Variants in FRMPD4 observed in about 807,000 individuals in gnomAD.
FRMPD4 encodes the protein FERM and PDZ domain containing 4, also known as FERM and PDZ domain-containing protein 4.
A neutral mutation model predicts 94.1 loss-of-function variants in FRMPD4; 22 were observed. That is an observed-to-expected ratio of 0.23 (90% CI 0.17 to 0.33). The LOEUF (loss-of-function observed/expected upper bound fraction) is 0.33, where lower values mean the gene tolerates loss of function less well. FRMPD4 is among the 10% of genes least tolerant of loss of function. The pLI is 1.00. For synonymous variants in FRMPD4, 631 were observed against 548.6 expected, an observed-to-expected ratio of 1.15 and a Z score of -2.10; for missense variants, 1,111 against 1,339.9, an observed-to-expected ratio of 0.83 and a Z score of 2.67.
At chrX:12,040,534 T>A (rs747758101) in intron 3 of FRMPD4, among the ~76,000 whole-genome samples, 87 of 106,368 alleles carry the variant, frequency 8.2e-4, no homozygotes, top group African/African-American at 2.8e-3. Flanking sequence ...ATTATTGATA[T>A]AGTTGGATTT....
At chrX:12,248,988 G>A (rs1432794031) in intron 1 of FRMPD4, among the ~76,000 whole-genome samples, 2 of 112,817 alleles carry the variant, frequency 1.8e-5, no homozygotes, top group Non-Finnish European at 3.7e-5. Flanking sequence ...GCAGTGAACC[G>A]AGATTGTGCC....
At chrX:12,454,340 G>A (rs937525799) in intron 1 of FRMPD4, among the ~76,000 whole-genome samples, 1 of 111,658 alleles carries the variant, frequency 9.0e-6, no homozygotes, top group Non-Finnish European at 1.9e-5. Flanking sequence ...GAAAACACTT[G>A]TATGACAAAT....
chrX:12,454,384 T>G (rs999627316), intron 1 of FRMPD4, among the ~76,000 whole-genome samples: 1 of 112,116 alleles, frequency 8.9e-6, no homozygotes, highest in Non-Finnish European at 1.9e-5. Flanking sequence ...CATTCCTTGC[T>G]CTATAATCTC....
At chrX:12,140,981 ATTC>A (rs1432183405) in intron 1 of FRMPD4, among the ~76,000 whole-genome samples, 1 of 112,015 alleles carries the variant, frequency 8.9e-6, no homozygotes, top group Non-Finnish European at 1.9e-5. Flanking sequence ...CATCCATAGA[ATTC>A]TTCTTTTTCT....
chrX:12,044,188 T>A (rs2054773229), intron 3 of FRMPD4, among the ~76,000 whole-genome samples: 1 of 112,264 alleles, frequency 8.9e-6, no homozygotes, highest in African/African-American at 3.2e-5. Context: ...TTTATGATCT[T>A]ATCACAAAAC....
intron 1 of FRMPD4, among the ~76,000 whole-genome samples, chrX:12,245,046 A>C (rs1390708415): frequency 1.8e-5 from 2 of 112,757 alleles, no homozygotes; most frequent in Non-Finnish European, 3.7e-5. Flanking sequence ...GGTAGAACAC[A>C]TGTTTGATTT....
At chrX:12,492,495 T>A (rs767300229) in intron 1 of FRMPD4, among the ~76,000 whole-genome samples, 2 of 112,498 alleles carry the variant, frequency 1.8e-5, no homozygotes, top group Non-Finnish European at 3.8e-5. Context: ...TCTTTTACCA[T>A]AGTGAAACTC....
chrX:11,916,129 G>A (rs905824209), intron 3 of FRMPD4, among the ~76,000 whole-genome samples: 1 of 110,649 alleles, frequency 9.0e-6, no homozygotes, highest in Non-Finnish European at 1.9e-5. Flanking sequence ...ATGGGGAGGG[G>A]GAGGGTATTC....
intron 2 of FRMPD4, among the ~76,000 whole-genome samples, chrX:12,600,629 A>G (rs977542807): frequency 4.5e-5 from 5 of 112,160 alleles, no homozygotes; most frequent in Non-Finnish European, 9.4e-5. Context: ...CAGCAAACCA[A>G]CAACCCCTTT....
At chrX:12,359,747 C>T (rs142854756) in intron 1 of FRMPD4, among the ~76,000 whole-genome samples, 8,978 of 111,882 alleles carry the variant, frequency 0.08, 340 homozygotes, top group Middle Eastern at 0.12. Context: ...GGATTACAGG[C>T]GTGAGCCACC....
intron 3 of FRMPD4, among the ~76,000 whole-genome samples, chrX:11,948,924 C>G (rs1477973198): frequency 8.9e-6 from 1 of 111,917 alleles, no homozygotes; most frequent in Non-Finnish European, 1.9e-5. Context: ...ATGCAATGCT[C>G]TGGCAGTCAT....
At chrX:12,127,764 C>G (rs1321200877) in intron 3 of FRMPD4, among the ~76,000 whole-genome samples, 1 of 112,292 alleles carries the variant, frequency 8.9e-6, no homozygotes, top group East Asian at 2.8e-4. Context: ...AAATAAAAAA[C>G]AAGTTAATTA....
intron 3 of FRMPD4, among the ~76,000 whole-genome samples, chrX:12,044,837 C>A (rs1320733768): frequency 8.9e-6 from 1 of 111,925 alleles, no homozygotes; most frequent in Non-Finnish European, 1.9e-5. Flanking sequence ...TTGCCAGTTT[C>A]CTGAGAAAAT....
intron 1 of FRMPD4, among the ~76,000 whole-genome samples, chrX:12,145,538 A>G (rs1386740146): frequency 8.8e-6 from 1 of 113,010 alleles, no homozygotes; most frequent in Non-Finnish European, 1.9e-5. Context: ...TTCATGGCCT[A>G]GGGCCAGGGC....
At chrX:12,032,476 G>A (rs1224328838) in intron 3 of FRMPD4, among the ~76,000 whole-genome samples, 1 of 112,367 alleles carries the variant, frequency 8.9e-6, no homozygotes, top group East Asian at 2.8e-4. Flanking sequence ...AAGGAGAATA[G>A]TTTCAGTGGA....
chrX:12,085,776 G>A (rs2055103850), intron 3 of FRMPD4, among the ~76,000 whole-genome samples: 1 of 110,792 alleles, frequency 9.0e-6, no homozygotes, highest in Admixed American at 9.6e-5. Flanking sequence ...GGCTGAGGTG[G>A]GAGGATCACT....
At chrX:12,583,317 G>A in intron 2 of FRMPD4, 1 of 448,747 alleles carries the variant, frequency 2.2e-6, no homozygotes, top group South Asian at 3.4e-5. Flanking sequence ...ACTTCTCAAG[G>A]ATAAGAATAT....
chrX:12,220,134 T>C (rs1235677940), intron 1 of FRMPD4, among the ~76,000 whole-genome samples: 1 of 102,923 alleles, frequency 9.7e-6, no homozygotes, highest in Non-Finnish European at 2.0e-5. Flanking sequence ...AGAGTGAAAC[T>C]TTGTCTCAAC....
chrX:12,239,987 G>C (rs150223529), intron 1 of FRMPD4, among the ~76,000 whole-genome samples: 1,148 of 112,305 alleles, frequency 0.01, 10 homozygotes, highest in African/African-American at 0.034. Context: ...TGGGTGGAGA[G>C]ATAAACCTTC....
Sources: allele counts gnomAD v4.1 joint callset (sites outside exome capture counted in the v4.1 genomes callset), GRCh38; gene constraint gnomAD v4.1.1; transcripts MANE v1.5; gene names NCBI Gene and HGNC (gene_info 2026-07-23, HGNC 2026-07-21).